Variants in CPD observed in about 807,000 individuals in gnomAD.
CPD encodes carboxypeptidase D, also known as metallocarboxypeptidase D.
A neutral mutation model predicts 138.3 loss-of-function variants in CPD; 69 were observed. The ratio of observed to expected loss-of-function variants is 0.50; its 90% confidence interval spans 0.41 to 0.61. The LOEUF (loss-of-function observed/expected upper bound fraction) is 0.61. Ranked by LOEUF, CPD falls within the 20% of genes least tolerant of loss-of-function variation. The probability of loss-of-function intolerance (pLI) is 0.00; values close to 1 mark genes in which losing one functional copy is unlikely to be tolerated. For missense variants in CPD, 1,432 were observed against 1,733.3 expected (o/e 0.83, Z 3.09); for synonymous variants, 651 against 642.1 (o/e 1.01, Z -0.21).
intron 15 of CPD, 147 bp downstream of exon 15, chr17:30,455,617 A>G (rs1017165523): frequency 2.5e-6 from 2 of 800,688 alleles, no homozygotes; most frequent in East Asian, 2.8e-5. Context: ...TTGTACATAC[A>G]TCAGCAGTTC....
rs774166274 is a variant in CPD, at chr17:30,378,956, C to T, written c.-25C>T. On this transcript the variant is annotated 5_prime_UTR_variant, in exon 1 of 21. Transcript: ENST00000225719. ...GGAGCGCTGAGCCGCGGGAGCGGAG[C>T]CGGGGTTAGCGGCGCTGCTGGAAGA... 19 of 1,462,840 alleles carry T rather than the reference C, an allele frequency of 1.3e-5. No homozygotes were observed. Among genetic ancestry groups the T allele is most frequent in the Non-Finnish European group, 1.7e-5 (19 of 1,120,560 alleles). 90.6% of individuals were successfully genotyped at this position (1,462,840 alleles called of 1,614,324 possible).
In CPD at chr17:30,467,807, C is replaced by T. The variant is rs1386436953; in HGVS notation, c.*2993C>T. The T allele has an allele frequency of 6.6e-6, 1 of 152,126 alleles. No individual in the cohort carries two copies. Among genetic ancestry groups the T allele is most frequent in the Admixed American group, 6.6e-5 (1 of 15,266 alleles). 9.4% of individuals were successfully genotyped at this position (152,126 alleles called of 1,614,324 possible). A position where few individuals can be genotyped will look rare whatever the true frequency, so the allele number is the denominator to read the frequency against. On this transcript the variant is annotated 3_prime_UTR_variant, in exon 21 of 21. Coordinates refer to ENST00000225719, the MANE Select transcript of CPD (RefSeq NM_001304.5). ...TTTTATCTTGTTGTTGCCAGAAATG[C>T]ACTTGTGCCAGGTATTGTCCCTGCT...
chr17:30,456,541 A>G lies in CPD; in HGVS notation c.3498+15A>G. On this transcript the variant is annotated intron_variant, in intron 17 of 20. Transcript: ENST00000225719. ...GCAGCATGAAGGTATGCTTTCTAGA[A>G]CATGGTTAGAATGGAGTTATGGCCA... The G allele has an allele frequency of 6.2e-7, 1 of 1,612,952 alleles. No homozygotes were observed. The highest frequency in any genetic ancestry group is 8.5e-7 in the Non-Finnish European group (1 of 1,178,974).
intron 2 of CPD, among the ~76,000 whole-genome samples, chr17:30,400,194 T>C (rs1172445141): frequency 6.6e-6 from 1 of 152,180 alleles, no homozygotes; most frequent in East Asian, 1.9e-4. Flanking sequence ...TTAATCCCAC[T>C]GCTTCCTTTT....
intron 2 of CPD, among the ~76,000 whole-genome samples, chr17:30,396,684 G>A (rs1177973974): frequency 3.3e-5 from 5 of 152,294 alleles, no homozygotes; most frequent in East Asian, 1.9e-4. Context: ...TTAGCTATCC[G>A]TAACAATTAG....
chr17:30,378,932 G>A lies in CPD; in HGVS notation c.-49G>A, dbSNP rs1302287505. On this transcript the variant is annotated 5_prime_UTR_variant, in exon 1 of 21. Transcript: ENST00000225719. ...GGATCCGGCGGGCCCCCGCCGCCCG[G>A]AGCGCTGAGCCGCGGGAGCGGAGCC... 1 of 1,406,512 alleles carries A rather than the reference G, an allele frequency of 7.1e-7. No homozygotes were observed. Among genetic ancestry groups the A allele is most frequent in the Admixed American group, 3.4e-5 (1 of 29,314 alleles). The allele number at this position is 1,406,512 out of a possible 1,614,324, so 87.1% of individuals were successfully genotyped here.
intron 2 of CPD, among the ~76,000 whole-genome samples, chr17:30,405,339 G>A (rs1911777271): frequency 6.6e-6 from 1 of 152,120 alleles, no homozygotes; most frequent in Non-Finnish European, 1.5e-5. Flanking sequence ...AGCTACCTGT[G>A]GAGATATTTA....
intron 8 of CPD, among the ~76,000 whole-genome samples, chr17:30,438,226 T>G (rs1054628304): frequency 6.6e-6 from 1 of 152,102 alleles, no homozygotes. Flanking sequence ...GTACTTTTTT[T>G]CTGTTTCAAA....
chr17:30,427,326 G>A (rs771209230), intron 6 of CPD, 65 bp from the exon 7 acceptor site: 1 of 1,444,042 alleles, frequency 6.9e-7, no homozygotes, highest in Non-Finnish European at 9.7e-7. Context: ...ATCTAAAGTA[G>A]TACGTGTTGG....
intron 2 of CPD, among the ~76,000 whole-genome samples, chr17:30,415,602 G>A (rs1912083281): frequency 6.6e-6 from 1 of 151,992 alleles, no homozygotes; most frequent in African/African-American, 2.4e-5. Context: ...ATGGGCAAAG[G>A]ACTTAAATGG....
chr17:30,456,072 G>A (rs1235679350), intron 15 of CPD, 184 bp from the exon 16 acceptor site: 5 of 571,800 alleles, frequency 8.7e-6, no homozygotes, highest in South Asian at 2.2e-5. Flanking sequence ...CATGTAAAGA[G>A]GATGTTTGTC....
At chr17:30,380,216 G>C (rs567301478) in intron 1 of CPD, 2 of 168,184 alleles carry the variant, frequency 1.2e-5, no homozygotes, top group Non-Finnish European at 2.5e-5. Context: ...GGGTCAGATT[G>C]GTTAACTGAT....
Position 30,467,707 on chromosome 17 carries a change from T to A in CPD, c.*2893T>A, listed in dbSNP as rs1216823155. ...GTAGTGTTTATGTCTGAGCTTATTG[T>A]GTTTGAGCTAACACCAGGTTACTCA... On this transcript the variant is annotated 3_prime_UTR_variant, in exon 21 of 21. Transcript: ENST00000225719. The A allele has an allele frequency of 6.6e-6, 1 of 152,212 alleles. No homozygotes were observed. Among genetic ancestry groups the A allele is most frequent in the Non-Finnish European group, 1.5e-5 (1 of 68,020 alleles). The allele number at this position is 152,212 out of a possible 1,614,324, so 9.4% of individuals were successfully genotyped here. A position where few individuals can be genotyped will look rare whatever the true frequency, so the allele number is the denominator to read the frequency against.
At chr17:30,462,621 C>T in intron 20 of CPD, 152 bp downstream of exon 20, 1 of 632,472 alleles carries the variant, frequency 1.6e-6, no homozygotes, top group Non-Finnish European at 2.7e-6. Flanking sequence ...GACCTCTGTT[C>T]TCGCATATGT....
At chr17:30,404,616 G>T (rs1307086733) in intron 2 of CPD, among the ~76,000 whole-genome samples, 1 of 151,876 alleles carries the variant, frequency 6.6e-6, no homozygotes, top group Non-Finnish European at 1.5e-5. Context: ...TCTAGAAAAG[G>T]AATTTCTGGT....
rs928133993 is a variant in CPD, at chr17:30,379,052, G to C, written c.72G>C (p.Leu24=). The C allele has an allele frequency of 1.3e-6, 2 of 1,563,568 alleles. No homozygotes were observed. Among genetic ancestry groups the C allele is most frequent in the African/African-American group, 2.8e-5 (2 of 71,022 alleles). ...TCCTGTTGCTCATGTGCCTGCTGCT[G>C]CTGGGGAGCTCGGCCCGGGCGGCTC... is the stretch of plus-strand genomic sequence containing the variant. ...GRLLLLMCLL[L]LGSSARAAHI... Residue 24 remains leucine, a synonymous_variant, in exon 1 of 21, where the codon CTG becomes CTC. Coordinates refer to ENST00000225719, the MANE Select transcript of CPD (RefSeq NM_001304.5). The surrounding 1 kb of genome is among the most constrained non-coding windows in gnomAD (Gnocchi z 7.0).
At chr17:30,464,531 T>C in intron 20 of CPD, 57 bp from the exon 21 acceptor site, 7 of 1,405,004 alleles carry the variant, frequency 5.0e-6, no homozygotes, top group Non-Finnish European at 7.0e-6. Context: ...TGTAAGCGGC[T>C]GCTTATTAAT....
chr17:30,445,681 T>C lies in CPD; in HGVS notation c.2544-10T>C. ...AGGAGTGTGGTTCTGATCTGTCTCC[T>C]TTATCATAGGTATAATCCAGTTACC... On this transcript the variant is annotated splice_polypyrimidine_tract_variant and intron_variant, in intron 11 of 20. Transcript: ENST00000225719. 6.4e-7 allele frequency: 1 copy of C among 1,573,310 alleles called. No homozygotes were observed. Among genetic ancestry groups the C allele is most frequent in the Non-Finnish European group, 8.6e-7 (1 of 1,156,234 alleles).
rs143456460 is a variant in CPD at position 30,379,998 on chromosome 17, C to T, written c.746+272C>T. On this transcript the variant is annotated intron_variant, in intron 1 of 20. Transcript: ENST00000225719. This position sits in a 1 kb window ranked among gnomAD's most constrained non-coding sequence, Gnocchi z 7.0. ...TTTCTGGTCCCTATTCTTACAGGGG[C>T]ATAGAATATGAGCGAGAAGAGATCT... Among the ~76,000 whole-genome samples, 5 of 152,310 alleles carry T rather than the reference C, an allele frequency of 3.3e-5. No homozygotes were observed. Among genetic ancestry groups the T allele is most frequent in the African/African-American group, 1.2e-4 (5 of 41,576 alleles).
Sources: gnomAD v4.1 joint callset for allele counts (sites outside exome capture counted in the v4.1 genomes callset) on GRCh38, gnomAD v4.1.1 for gene constraint, Gnocchi (gnomAD v3.1) non-coding constraint, MANE v1.5 for transcripts, NCBI Gene and HGNC (gene_info 2026-07-23, HGNC 2026-07-21) for gene names.